ERAP1: variants seen among roughly 807,000 people sequenced by gnomAD.
ERAP1 encodes the protein adipocyte-derived leucine aminopeptidase.
A neutral mutation model predicts 103.7 loss-of-function variants in ERAP1; 86 were observed. That is an observed-to-expected ratio of 0.83 (90% CI 0.70 to 0.99). The LOEUF is 0.99. ERAP1 is among the 50% of genes least tolerant of loss of function. ERAP1 has a pLI of 0.00. For synonymous variants in ERAP1, 398 were observed against 402.4 expected (o/e 0.99, Z 0.13); for missense variants, 1,009 against 1,128.4 (o/e 0.89, Z 1.52).
downstream of ERAP1, chr5:96,771,603 C>T (rs776901315): frequency 1.9e-6 from 3 of 1,569,886 alleles, no homozygotes; most frequent in South Asian, 1.1e-5. Flanking sequence ...ATACTTAATA[C>T]AGAAAAGAAA....
the ERAP1 span, among the ~76,000 whole-genome samples, chr5:96,873,062 G>A: frequency 4.0e-5 from 6 of 151,868 alleles, no homozygotes; most frequent in Non-Finnish European, 5.9e-5. Context: ...GGTGGTGGGC[G>A]CCTGTAATCC....
At chr5:96,801,818 C>T (rs548286086) in intron 2 of ERAP1, among the ~76,000 whole-genome samples, 159 of 127,500 alleles carry the variant, frequency 1.2e-3, no homozygotes, top group African/African-American at 4.6e-3. Context: ...CGCCACTGCA[C>T]TCCAGCCTGG....
chr5:96,866,027 C>A, the ERAP1 span, among the ~76,000 whole-genome samples: 1 of 152,224 alleles, frequency 6.6e-6, no homozygotes, highest in Non-Finnish European at 1.5e-5. Context: ...TACATACTTA[C>A]AGCAATTGTA....
At chr5:96,781,662 C>T in intron 16 of ERAP1, 31 bp downstream of exon 16, 1 of 1,613,726 alleles carries the variant, frequency 6.2e-7, no homozygotes. Context: ...TTTCCCTTGG[C>T]CACATGAACA....
chr5:96,908,985 A>T, the ERAP1 span: 2 of 1,614,130 alleles, frequency 1.2e-6, no homozygotes, highest in Non-Finnish European at 1.7e-6. Flanking sequence ...CCCTAGACAA[A>T]GCTCTTGACA....
chr5:96,917,375 C>G, the ERAP1 span: 82 of 1,317,636 alleles, frequency 6.2e-5, no homozygotes, highest in Non-Finnish European at 8.4e-5. Context: ...CCCACCTTGG[C>G]CTCCCGAAGT....
At chr5:96,779,468 T>A (rs950165026) in intron 18 of ERAP1, 1 of 152,208 alleles carries the variant, frequency 6.6e-6, no homozygotes, top group African/African-American at 2.4e-5. Context: ...ATGAGGCTAC[T>A]GAAAACTGGA....
At chr5:96,807,247 GGA>G (rs1349947563) in intron 1 of ERAP1, among the ~76,000 whole-genome samples, 1 of 152,206 alleles carries the variant, frequency 6.6e-6, no homozygotes, top group Non-Finnish European at 1.5e-5. Context: ...AGAGCGAAGG[GGA>G]GAGAGAGAAT....
chr5:96,910,089 G>T, the ERAP1 span: 2 of 196,688 alleles, frequency 1.0e-5, no homozygotes, highest in African/African-American at 2.3e-5. Context: ...ACATAGTGAA[G>T]CCCTGTCTGC....
At chr5:96,922,168 G>A in the ERAP1 span, among the ~76,000 whole-genome samples, 2 of 152,144 alleles carry the variant, frequency 1.3e-5, no homozygotes, top group African/African-American at 4.8e-5. Context: ...CGCGGTGGCA[G>A]GCTCTTGTAG....
In ERAP1 at chr5:96,791,933, G is replaced by A. The variant is rs181157875; in HGVS notation, c.1320+128C>T. 1.0e-4 allele frequency: 97 copies of A among 956,744 alleles called. No homozygotes were observed. In the African/African-American group the frequency reaches 1.4e-3, roughly 14 times the overall value. The allele number at this position is 956,744 out of a possible 1,614,324, so 59.3% of individuals were successfully genotyped here. On this transcript the variant is annotated intron_variant, in intron 8 of 18. Transcript: ENST00000443439. ...GTTAGTCCTAAAAGAGTTGACTCCA[G>A]CCAGCACGTGTCAAGAGAGAAGGCA... is the stretch of plus-strand genomic sequence containing the variant.
downstream of ERAP1, chr5:96,774,336 G>GAACTC: frequency 4.6e-6 from 1 of 218,928 alleles, no homozygotes; most frequent in Non-Finnish European, 7.8e-6. Flanking sequence ...TATTTAAAAA[G>GAACTC]AACTCTGAAT....
upstream of ERAP1, among the ~76,000 whole-genome samples, chr5:96,811,758 T>C (rs77379481): frequency 0.016 from 2,484 of 152,308 alleles, 60 homozygotes; most frequent in African/African-American, 0.056. Flanking sequence ...ACTTCTAGAA[T>C]TGTGGATCCT....
the ERAP1 span, among the ~76,000 whole-genome samples, chr5:96,817,953 G>C: frequency 6.6e-6 from 1 of 152,200 alleles, no homozygotes; most frequent in Admixed American, 6.5e-5. Context: ...ATTCTGAAAA[G>C]CGTTTGGAAG....
chr5:96,930,232 C>A, the ERAP1 span, among the ~76,000 whole-genome samples: 4 of 152,178 alleles, frequency 2.6e-5, no homozygotes, highest in African/African-American at 9.7e-5. Flanking sequence ...TAAGAGATCA[C>A]CACATGGAGT....
the ERAP1 span, chr5:96,880,287 T>C: frequency 6.4e-7 from 1 of 1,568,176 alleles, no homozygotes; most frequent in South Asian, 1.2e-5. Flanking sequence ...GTAATTTACA[T>C]TCTTTTGTGA....
At chr5:96,767,538 G>T (rs1770432458) in intron 19 of ERAP1, 1 of 1,387,330 alleles carries the variant, frequency 7.2e-7, no homozygotes, top group Non-Finnish European at 1.0e-6. Flanking sequence ...AGCCATAGGG[G>T]TATTTGGCAT....
intron 13 of ERAP1, 62 bp from the exon 14 acceptor site, chr5:96,784,142 T>G: frequency 2.0e-6 from 3 of 1,525,178 alleles, no homozygotes; most frequent in Non-Finnish European, 2.7e-6. Flanking sequence ...ACTTTTTGCT[T>G]CAAAATATAT....
the ERAP1 span, among the ~76,000 whole-genome samples, chr5:96,826,872 T>C: frequency 5.3e-5 from 8 of 152,312 alleles, no homozygotes; most frequent in East Asian, 1.3e-3. Context: ...TCTCTAACTA[T>C]AGGGAAAACT....
Sources: gnomAD v4.1 joint callset for allele counts (sites outside exome capture counted in the v4.1 genomes callset) on GRCh38, gnomAD v4.1.1 for gene constraint, MANE v1.5 for transcripts, NCBI Gene and HGNC (gene_info 2026-07-23, HGNC 2026-07-21) for gene names.